The following RANBP17 variants were observed in gnomAD, a reference collection of about 807,000 sequenced individuals.
The protein encoded by RANBP17 is ran-binding protein 17.
In RANBP17, 158 loss-of-function variants were observed where a neutral mutation model predicts 141.2. That is an observed-to-expected ratio of 1.12 (90% CI 0.98 to 1.28). RANBP17 has a LOEUF of 1.28. Ranked by LOEUF, RANBP17 falls within the 50% of genes most tolerant of loss-of-function variation. The probability of loss-of-function intolerance (pLI) is 0.00; values close to 1 mark genes in which losing one functional copy is unlikely to be tolerated. For synonymous variants in RANBP17, 430 were observed against 450.0 expected (o/e 0.96, Z 0.56); for missense variants, 1,438 against 1,290.7 (o/e 1.11, Z -1.75).
intron 14 of RANBP17, among the ~76,000 whole-genome samples, chr5:171,035,729 CTTTTTTTGTTT>C (rs1781831863): frequency 1.4e-5 from 1 of 72,396 alleles, no homozygotes; most frequent in Non-Finnish European, 3.0e-5. Flanking sequence ...CTGTTTGTTT[CTTTTTTTGTTT>C]TTTTTTTTTT....
intron 14 of RANBP17, among the ~76,000 whole-genome samples, chr5:170,988,582 G>T (rs935901406): frequency 2.0e-5 from 3 of 151,490 alleles, no homozygotes; most frequent in Admixed American, 6.6e-5. Context: ...ATAGTCATTG[G>T]ATCTTGTGGA....
chr5:170,873,758 G>GTC (rs1465157401), intron 1 of RANBP17, among the ~76,000 whole-genome samples: 3 of 152,136 alleles, frequency 2.0e-5, no homozygotes, highest in African/African-American at 7.2e-5. Flanking sequence ...CTAGCTAGCA[G>GTC]TCTATCTATT....
At chr5:171,205,412 C>T (rs942988736) in intron 19 of RANBP17, 112 bp from the exon 20 acceptor site, 4 of 822,070 alleles carry the variant, frequency 4.9e-6, no homozygotes, top group African/African-American at 3.3e-5. Context: ...CTGAACGAGA[C>T]ATTTTAGCTA....
chr5:171,060,266 G>C (rs1488363201), intron 14 of RANBP17, among the ~76,000 whole-genome samples: 4 of 123,548 alleles, frequency 3.2e-5, no homozygotes, highest in African/African-American at 1.1e-4. Context: ...AATGCTCCCA[G>C]TTTTTGCCCA....
chr5:171,165,145 AT>A (rs1440827236), intron 14 of RANBP17, among the ~76,000 whole-genome samples: 1 of 152,130 alleles, frequency 6.6e-6, no homozygotes, highest in Non-Finnish European at 1.5e-5. Flanking sequence ...CGGGATCATC[AT>A]TTAATCTAAT....
chr5:171,145,455 A>G (rs1269561763), intron 14 of RANBP17, among the ~76,000 whole-genome samples: 3 of 152,172 alleles, frequency 2.0e-5, no homozygotes, highest in Non-Finnish European at 4.4e-5. Context: ...ATAAATTCTT[A>G]GAAACAATGC....
At position 171,153,817 on chromosome 5, in the gene RANBP17, C is replaced by T. The variant is rs150266131; in HGVS notation, c.1711-16313C>T. Among the ~76,000 whole-genome samples the T allele has an allele frequency of 4.3e-3, 660 of 152,192 alleles. 4 individuals carry two copies. Among genetic ancestry groups the T allele is most frequent in the African/African-American group, 0.014 (601 of 41,504 alleles). On this transcript the variant is annotated intron_variant, in intron 14 of 27. Transcript: ENST00000523189. ...AATCTTCAGGCGGATCACCTGAGGT[C>T]GGGAGTTCAAGACCAGCCTGACCAA...
At position 170,916,445 on chromosome 5, in the gene RANBP17, A is replaced by G; in HGVS notation, c.835-20A>G. On this transcript the variant is annotated intron_variant, in intron 8 of 27. Coordinates refer to ENST00000523189, the MANE Select transcript of RANBP17 (RefSeq NM_022897.5). ...CAGATACTTTGAAAATTGAAATGAA[A>G]TTTTTTTGGTATTTTTTAGGCACTT... The G allele has an allele frequency of 6.6e-7, 1 of 1,509,796 alleles. No individual in the cohort carries two copies. Among genetic ancestry groups the G allele is most frequent in the Non-Finnish European group, 8.9e-7 (1 of 1,125,506 alleles). The allele number at this position is 1,509,796 out of a possible 1,614,324, so 93.5% of individuals were successfully genotyped here.
At chr5:171,002,698 G>A (rs755836063) in intron 14 of RANBP17, among the ~76,000 whole-genome samples, 2 of 152,168 alleles carry the variant, frequency 1.3e-5, no homozygotes, top group African/African-American at 4.8e-5. Flanking sequence ...AGTGATAGAT[G>A]TGGAAGATAC....
chr5:171,213,241 A>G (rs1763015742), intron 20 of RANBP17, among the ~76,000 whole-genome samples: 1 of 150,986 alleles, frequency 6.6e-6, no homozygotes, highest in Admixed American at 6.6e-5. Flanking sequence ...AGAAACTGAT[A>G]ATAATAACTC....
chr5:170,899,711 G>C (rs946798540), intron 5 of RANBP17, among the ~76,000 whole-genome samples: 1 of 152,184 alleles, frequency 6.6e-6, no homozygotes, highest in Non-Finnish European at 1.5e-5. Flanking sequence ...CTAGTATATT[G>C]AGAGTGTTTA....
chr5:171,041,012 T>A (rs1782213465), intron 14 of RANBP17, among the ~76,000 whole-genome samples: 1 of 151,952 alleles, frequency 6.6e-6, no homozygotes, highest in African/African-American at 2.4e-5. Context: ...TTGACTGGGG[T>A]TGGAAGGTCA....
intron 3 of RANBP17, among the ~76,000 whole-genome samples, chr5:170,887,947 CT>C (rs1217166600): frequency 6.6e-6 from 1 of 152,180 alleles, no homozygotes. Flanking sequence ...GTGTACTCAT[CT>C]CTTAAAGATC....
intron 14 of RANBP17, among the ~76,000 whole-genome samples, chr5:171,039,393 G>C (rs952042011): frequency 4.4e-4 from 66 of 150,690 alleles, no homozygotes; most frequent in African/African-American, 1.6e-3. Context: ...AAAAGTGTCT[G>C]TTCATGTCTT....
At chr5:171,202,966 C>T (rs1447494960) in intron 19 of RANBP17, among the ~76,000 whole-genome samples, 1 of 152,128 alleles carries the variant, frequency 6.6e-6, no homozygotes, top group Non-Finnish European at 1.5e-5. Flanking sequence ...GAAGGAGCCT[C>T]GTTTCAGCTG....
chr5:171,229,037 G>T (rs1480606282), intron 22 of RANBP17, among the ~76,000 whole-genome samples: 1 of 152,128 alleles, frequency 6.6e-6, no homozygotes, highest in East Asian at 1.9e-4. Flanking sequence ...ATGTATAAAT[G>T]ATACTTATGT....
At chr5:170,875,432 CTT>C (rs1768098695) in intron 1 of RANBP17, among the ~76,000 whole-genome samples, 2 of 152,128 alleles carry the variant, frequency 1.3e-5, no homozygotes, top group Non-Finnish European at 2.9e-5. Context: ...GTTCCACTCT[CTT>C]TGTCTCTTTC....
chr5:171,024,502 CA>C (rs909017346), intron 14 of RANBP17, among the ~76,000 whole-genome samples: 25 of 152,220 alleles, frequency 1.6e-4, no homozygotes, highest in African/African-American at 5.8e-4. Context: ...AAAAAATTGC[CA>C]ATCCTTAACA....
rs138810483 is a variant in RANBP17 at position 171,246,036 on chromosome 5, G to T, written c.2776+3216G>T. Among the ~76,000 whole-genome samples, 265 of 151,996 alleles carry T rather than the reference G, an allele frequency of 1.7e-3. 1 individual carries two copies. The highest frequency in any genetic ancestry group is 5.6e-3 in the African/African-American group (233 of 41,444). On this transcript the variant is annotated intron_variant, in intron 24 of 27. Coordinates refer to ENST00000523189, the MANE Select transcript of RANBP17 (RefSeq NM_022897.5). ...TGGGATTACAGGCATGTGCCACCAC[G>T]CCTAGCTAATTTTTTTGTATTTTTA...
Sources: allele counts gnomAD v4.1 joint callset (sites outside exome capture counted in the v4.1 genomes callset), GRCh38; gene constraint gnomAD v4.1.1; transcripts MANE v1.5; gene names NCBI Gene and HGNC (gene_info 2026-07-23, HGNC 2026-07-21).